DGKB: variants seen among roughly 807,000 people sequenced by gnomAD.
DGKB encodes the protein diacylglycerol kinase beta.
Under a neutral mutation model 114.3 loss-of-function variants are expected in DGKB, and 67 were observed. The observed-to-expected ratio is 0.59, with a 90% CI of 0.48 to 0.72. The LOEUF is 0.72. DGKB is among the 30% of genes least tolerant of loss of function. The probability of loss-of-function intolerance (pLI) is 0.00; values close to 1 mark genes in which losing one functional copy is unlikely to be tolerated. For missense variants in DGKB, 907 were observed against 975.2 expected, an observed-to-expected ratio of 0.93 and a Z score of 0.93; for synonymous variants, 398 against 323.1, an observed-to-expected ratio of 1.23 and a Z score of -2.49.
At chr7:14,228,792 C>A (rs568954230) in intron 23 of DGKB, among the ~76,000 whole-genome samples, 1 of 151,874 alleles carries the variant, frequency 6.6e-6, no homozygotes, top group Non-Finnish European at 1.5e-5. Context: ...AAAACACTTT[C>A]AAAAAATGTA....
intron 1 of DGKB, among the ~76,000 whole-genome samples, chr7:14,869,797 C>T (rs1441838622): frequency 2.6e-5 from 4 of 152,024 alleles, no homozygotes; most frequent in African/African-American, 9.7e-5. Flanking sequence ...TTTATATTTA[C>T]ATATATTTAC....
At chr7:14,910,227 C>T (rs151186020) in intron 1 of DGKB, among the ~76,000 whole-genome samples, 1,963 of 136,500 alleles carry the variant, frequency 0.014, 54 homozygotes, top group African/African-American at 0.051. Context: ...GGTGACAGAG[C>T]GAGACTCCAT....
At chr7:14,699,393 G>C (rs998897863) in intron 7 of DGKB, among the ~76,000 whole-genome samples, 1 of 152,008 alleles carries the variant, frequency 6.6e-6, no homozygotes, top group East Asian at 1.9e-4. Flanking sequence ...TTGGTGGACT[G>C]TTACGTAGGC....
At chr7:14,717,702 G>C (rs1469274476) in intron 6 of DGKB, among the ~76,000 whole-genome samples, 1 of 151,940 alleles carries the variant, frequency 6.6e-6, no homozygotes, top group Non-Finnish European at 1.5e-5. Context: ...GTTTAGATTT[G>C]TTATCTTCAC....
intron 23 of DGKB, among the ~76,000 whole-genome samples, chr7:14,187,088 A>G (rs751705880): frequency 1.3e-5 from 2 of 152,256 alleles, no homozygotes; most frequent in African/African-American, 2.4e-5. Flanking sequence ...GAATACATAC[A>G]TAACACCTTA....
intron 8 of DGKB, among the ~76,000 whole-genome samples, chr7:14,696,298 C>T (rs892701170): frequency 1.3e-5 from 2 of 151,250 alleles, no homozygotes; most frequent in Non-Finnish European, 2.9e-5. Flanking sequence ...TCGAGACCAT[C>T]CTGGCTAACA....
intron 21 of DGKB, among the ~76,000 whole-genome samples, chr7:14,392,901 T>C (rs1821536461): frequency 6.6e-6 from 1 of 151,736 alleles, no homozygotes; most frequent in East Asian, 1.9e-4. Context: ...ATAAAACTTC[T>C]ACAGAAATAG....
At chr7:14,843,721 C>T (rs534242175) in intron 1 of DGKB, among the ~76,000 whole-genome samples, 4 of 152,276 alleles carry the variant, frequency 2.6e-5, no homozygotes, top group East Asian at 1.9e-4. Flanking sequence ...GTAATAACAA[C>T]GGTTTATTTG....
chr7:14,953,026 C>T (rs1306902055), intron 1 of DGKB, among the ~76,000 whole-genome samples: 1 of 151,824 alleles, frequency 6.6e-6, no homozygotes, highest in Non-Finnish European at 1.5e-5. Flanking sequence ...GAATTAGACC[C>T]CTACCTACCT....
At chr7:14,694,666 CAA>C (rs1424410137) in intron 8 of DGKB, among the ~76,000 whole-genome samples, 1 of 152,080 alleles carries the variant, frequency 6.6e-6, no homozygotes, top group African/African-American at 2.4e-5. Flanking sequence ...AGGATCAAAT[CAA>C]GTTTAATTAA....
In DGKB at chr7:14,919,944, T is replaced by C. The variant is rs1784435098; in HGVS notation, c.-188+54752A>G. Among the ~76,000 whole-genome samples, 3 of 152,204 alleles carry C rather than the reference T, an allele frequency of 2.0e-5. No homozygotes were observed. The South Asian group carries it at 6.2e-4, about 31-fold the overall frequency. ...TCGCCAGAAGTAGATGCCAGCACTA[T>C]GCTTCTTGTACAGTCTGCAAACCAT... is the stretch of plus-strand genomic sequence containing the variant. On this transcript the variant is annotated intron_variant, in intron 1 of 4. Transcript: ENST00000437998.
chr7:14,855,275 C>T (rs900719508), intron 1 of DGKB, among the ~76,000 whole-genome samples: 1 of 152,188 alleles, frequency 6.6e-6, no homozygotes, highest in Non-Finnish European at 1.5e-5. Flanking sequence ...GCCTAAATCA[C>T]ACAGTGACAT....
intron 23 of DGKB, among the ~76,000 whole-genome samples, chr7:14,215,798 AATT>A (rs1788859935): frequency 6.6e-6 from 1 of 152,318 alleles, no homozygotes; most frequent in Non-Finnish European, 1.5e-5. Flanking sequence ...TGTGCAATGA[AATT>A]ATATGCAAAT....
rs115140665 is a variant in DGKB at position 14,735,099 on chromosome 7, C to G, written c.322+942G>C. Among the ~76,000 whole-genome samples the G allele has an allele frequency of 2.8e-3, 433 of 152,272 alleles. 1 individual carries two copies. Among genetic ancestry groups the G allele is most frequent in the African/African-American group, 9.6e-3 (400 of 41,556 alleles). On this transcript the variant is annotated intron_variant, in intron 5 of 25. Coordinates refer to ENST00000402815, the MANE Select transcript of DGKB (RefSeq NM_001350709.2). ...GCAGTGTAGGCTCTAGTCTCTAGCTCATGTCCACACCAACAAAAGCACAAT... is the reference window on the plus strand; with the variant it reads ...GCAGTGTAGGCTCTAGTCTCTAGCTGATGTCCACACCAACAAAAGCACAAT...
At chr7:14,484,222 A>C (rs75957415) in intron 20 of DGKB, among the ~76,000 whole-genome samples, 113 of 152,162 alleles carry the variant, frequency 7.4e-4, no homozygotes, top group African/African-American at 2.6e-3. Flanking sequence ...ATATATGTCA[A>C]CTCCACAAAG....
chr7:14,158,068 TCA>T lies in DGKB; in HGVS notation c.2305-8832_2305-8831del, dbSNP rs1449647813. ...GCTATAAAACCCTGACCAAAGAATC[TCA>T]GTTTTGACCTTCGGTCTCTGTTTGC... On this transcript the variant is annotated intron_variant, in intron 25 of 25. Coordinates refer to ENST00000402815, the MANE Select transcript of DGKB (RefSeq NM_001350709.2). 2.0e-5 allele frequency among the ~76,000 whole-genome samples: 3 copies of T among 152,180 alleles called. No homozygotes were observed. In the East Asian group the frequency reaches 5.8e-4, roughly 29 times the overall value.
intron 21 of DGKB, among the ~76,000 whole-genome samples, chr7:14,424,668 C>T (rs936773326): frequency 6.6e-6 from 1 of 152,014 alleles, no homozygotes; most frequent in East Asian, 1.9e-4. Flanking sequence ...AGCTTCAAAC[C>T]GGGTCTCCGG....
chr7:14,849,064 T>C (rs1417413215), intron 1 of DGKB, among the ~76,000 whole-genome samples: 2 of 152,060 alleles, frequency 1.3e-5, no homozygotes, highest in African/African-American at 2.4e-5. Context: ...GAATCCCACA[T>C]GTCAGGATCC....
intron 23 of DGKB, among the ~76,000 whole-genome samples, chr7:14,262,783 T>C (rs1355497175): frequency 6.6e-6 from 1 of 152,118 alleles, no homozygotes; most frequent in Admixed American, 6.5e-5. Flanking sequence ...CTCCAACTAA[T>C]CAGACCACTT....
Sources: gnomAD v4.1 joint callset for allele counts (sites outside exome capture counted in the v4.1 genomes callset) on GRCh38, gnomAD v4.1.1 for gene constraint, MANE v1.5 for transcripts, NCBI Gene and HGNC (gene_info 2026-07-23, HGNC 2026-07-21) for gene names.